TENM2: variants seen among roughly 807,000 people sequenced by gnomAD.
TENM2 encodes the protein teneurin transmembrane protein 2, also known as teneurin-2.
Under a neutral mutation model 245.2 loss-of-function variants are expected in TENM2, and 52 were observed. The observed-to-expected ratio is 0.21, with a 90% CI of 0.17 to 0.27. TENM2 has a LOEUF of 0.27. Ranked by LOEUF, TENM2 falls within the 10% of genes least tolerant of loss-of-function variation. The probability of loss-of-function intolerance (pLI) is 1.00; values close to 1 mark genes in which losing one functional copy is unlikely to be tolerated. For synonymous variants in TENM2, 1,363 were observed against 1,438.9 expected (o/e 0.95, Z 1.19); for missense variants, 3,046 against 3,666.8 (o/e 0.83, Z 4.37).
chr5:167,006,600 A>G, the TENM2 span, among the ~76,000 whole-genome samples: 10 of 152,294 alleles, frequency 6.6e-5, no homozygotes, highest in South Asian at 4.1e-4. Flanking sequence ...TAGCTATATG[A>G]TATATTTAAC....
chr5:167,383,488 C>T (rs968733679), intron 2 of TENM2, among the ~76,000 whole-genome samples: 6 of 152,068 alleles, frequency 3.9e-5, no homozygotes, highest in African/African-American at 9.7e-5. Context: ...TGAACCAGTT[C>T]GAATCTGTCA....
chr5:167,663,270 T>TGG (rs1755363945), intron 2 of TENM2, among the ~76,000 whole-genome samples: 1 of 151,906 alleles, frequency 6.6e-6, no homozygotes, highest in Admixed American at 6.6e-5. Flanking sequence ...AAGAGCTCCT[T>TGG]TAGTTAGGAT....
At chr5:167,837,827 C>T (rs1769143129) in intron 2 of TENM2, among the ~76,000 whole-genome samples, 1 of 151,566 alleles carries the variant, frequency 6.6e-6, no homozygotes, top group Non-Finnish European at 1.5e-5. Context: ...CTGCCACCTT[C>T]ACGCTCTTAC....
chr5:167,465,552 G>A (rs1213146845), intron 2 of TENM2, among the ~76,000 whole-genome samples: 1 of 152,204 alleles, frequency 6.6e-6, no homozygotes, highest in Admixed American at 6.5e-5. Context: ...TGCCCGGGCC[G>A]GGCGCGGTGG....
At chr5:167,366,485 C>T (rs1760063161) in intron 1 of TENM2, among the ~76,000 whole-genome samples, 1 of 152,128 alleles carries the variant, frequency 6.6e-6, no homozygotes, top group Non-Finnish European at 1.5e-5. Flanking sequence ...TTGTGTCATT[C>T]AGTACCCTCC....
intron 2 of TENM2, among the ~76,000 whole-genome samples, chr5:167,666,217 G>A (rs559696837): frequency 6.6e-6 from 1 of 152,268 alleles, no homozygotes; most frequent in South Asian, 2.1e-4. Flanking sequence ...TTCCCCAGGG[G>A]CTTGTGCTTA....
At chr5:167,570,934 G>A (rs200682865) in intron 2 of TENM2, among the ~76,000 whole-genome samples, 3 of 152,138 alleles carry the variant, frequency 2.0e-5, no homozygotes, top group Non-Finnish European at 4.4e-5. Context: ...TGCTTCGAGG[G>A]TGAGTTCATG....
chr5:167,669,150 G>A (rs1305108078), intron 2 of TENM2, among the ~76,000 whole-genome samples: 4 of 152,090 alleles, frequency 2.6e-5, no homozygotes, highest in East Asian at 1.9e-4. Context: ...GTGGGCTCAC[G>A]GTTCTCAGTG....
At chr5:167,029,497 C>T in the TENM2 span, among the ~76,000 whole-genome samples, 1 of 152,094 alleles carries the variant, frequency 6.6e-6, no homozygotes, top group African/African-American at 2.4e-5. Context: ...GGACACCTGC[C>T]CTTTCTCTTC....
At chr5:167,356,076 G>A (rs936771359) in intron 1 of TENM2, among the ~76,000 whole-genome samples, 14 of 150,342 alleles carry the variant, frequency 9.3e-5, no homozygotes, top group Admixed American at 2.0e-4. Flanking sequence ...CAGCTACTCG[G>A]GAGGCTGAGA....
chr5:167,031,418 G>A, the TENM2 span, among the ~76,000 whole-genome samples: 1 of 152,162 alleles, frequency 6.6e-6, no homozygotes, highest in Non-Finnish European at 1.5e-5. Context: ...AGTAAACGCA[G>A]TCATCTGAGT....
rs1766693603 is a variant in TENM2, at chr5:168,247,502, G to A, written c.6563G>A (p.Arg2188Lys). Residue 2188 changes from arginine (R) to lysine (K), a missense_variant, in exon 27 of 29, where the codon AGG (arginine) becomes AAG (lysine). This residue lies in a region of TENM2 where 2,704 missense variants were observed against 3,331.9 expected (regional missense o/e 0.81). Transcript: ENST00000518659. This position sits in a 1 kb window ranked among gnomAD's most constrained non-coding sequence, Gnocchi z 7.8. Reference sequence around the variant, plus strand: ...GACAGCATGGGCAGGGTGATCAAGAGGGAGCTAAAACTGGGGCCCTATGCC... The same window carrying A: ...GACAGCATGGGCAGGGTGATCAAGAAGGAGCTAAAACTGGGGCCCTATGCC... The A allele has an allele frequency of 6.2e-7, 1 of 1,612,644 alleles. No individual in the cohort carries two copies. The highest frequency in any genetic ancestry group is 8.5e-7 in the Non-Finnish European group (1 of 1,178,910).
At chr5:167,354,272 T>G (rs761990070) in intron 1 of TENM2, among the ~76,000 whole-genome samples, 1 of 152,188 alleles carries the variant, frequency 6.6e-6, no homozygotes, top group Non-Finnish European at 1.5e-5. Flanking sequence ...TTAAATTAGA[T>G]CTCTTGCTTT....
chr5:167,377,081 A>G (rs1044172726), intron 2 of TENM2, among the ~76,000 whole-genome samples: 5 of 152,012 alleles, frequency 3.3e-5, no homozygotes, highest in Admixed American at 6.6e-5. Context: ...CATCTAAAAA[A>G]CTCATCTAAT....
intron 12 of TENM2, among the ~76,000 whole-genome samples, chr5:168,154,914 C>G (rs1177039763): frequency 6.6e-6 from 1 of 152,244 alleles, no homozygotes; most frequent in East Asian, 1.9e-4. Flanking sequence ...ATCTGCCTCT[C>G]TCAATTTGCC....
chr5:167,097,668 CA>C, the TENM2 span, among the ~76,000 whole-genome samples: 1 of 152,114 alleles, frequency 6.6e-6, no homozygotes, highest in African/African-American at 2.4e-5. Flanking sequence ...ACAATGATGT[CA>C]AAGGTTTATA....
intron 9 of TENM2, among the ~76,000 whole-genome samples, chr5:168,111,453 T>A (rs1212507142): frequency 6.6e-6 from 1 of 152,132 alleles, no homozygotes; most frequent in East Asian, 1.9e-4. Context: ...GGAGGGCTGT[T>A]CAGGTCAGAG....
chr5:168,256,216 C>CTATATATATGTA (rs1266920437), intron 27 of TENM2, among the ~76,000 whole-genome samples: 74 of 150,934 alleles, frequency 4.9e-4, no homozygotes, highest in African/African-American at 1.7e-3. Context: ...ATATATATGT[C>CTATATATATGTA]TATATGTATA....
chr5:167,375,755 G>C (rs778723934), intron 2 of TENM2, among the ~76,000 whole-genome samples: 1 of 152,166 alleles, frequency 6.6e-6, no homozygotes, highest in Non-Finnish European at 1.5e-5. Context: ...GAGGCGGCTT[G>C]ATAAACTATG....
Sources: gnomAD v4.1 joint callset for allele counts (sites outside exome capture counted in the v4.1 genomes callset) on GRCh38, gnomAD v4.1.1 for gene constraint, gnomAD v4.1.1 regional missense constraint, Gnocchi (gnomAD v3.1) non-coding constraint, MANE v1.5 for transcripts, NCBI Gene and HGNC (gene_info 2026-07-23, HGNC 2026-07-21) for gene names.